The following EPM2A variants were observed in gnomAD, a reference collection of about 807,000 sequenced individuals.
The protein encoded by EPM2A is laforin.
In EPM2A, 21 loss-of-function variants were observed where a neutral mutation model predicts 26.5. The observed-to-expected ratio is 0.79, with a 90% CI of 0.56 to 1.14. The LOEUF is 1.14. Ranked by LOEUF, EPM2A falls within the 50% of genes most tolerant of loss-of-function variation. The probability of loss-of-function intolerance (pLI) is 0.00; values close to 1 mark genes in which losing one functional copy is unlikely to be tolerated. For missense variants in EPM2A, 458 were observed against 440.8 expected (o/e 1.04, Z -0.35); for synonymous variants, 217 against 177.6 (o/e 1.22, Z -1.76).
At chr6:145,530,238 G>A (rs1440262463) in intron 2 of EPM2A, among the ~76,000 whole-genome samples, 1 of 152,186 alleles carries the variant, frequency 6.6e-6, no homozygotes, top group Non-Finnish European at 1.5e-5. Context: ...GGAGGGACCA[G>A]TGTGGCTGGA....
chr6:145,469,184 G>C (rs1405075303), intron 4 of EPM2A, among the ~76,000 whole-genome samples: 1 of 151,972 alleles, frequency 6.6e-6, no homozygotes, highest in African/African-American at 2.4e-5. Flanking sequence ...AGTGAACACA[G>C]GAGGAACTAT....
intron 1 of EPM2A, among the ~76,000 whole-genome samples, chr6:145,720,136 C>T (rs554311457): frequency 6.6e-6 from 1 of 152,220 alleles, no homozygotes; most frequent in African/African-American, 2.4e-5. Context: ...AAAAAGACAA[C>T]ATTATCAAGC....
At chr6:145,455,703 C>T (rs1378148592) in intron 4 of EPM2A, among the ~76,000 whole-genome samples, 1 of 152,154 alleles carries the variant, frequency 6.6e-6, no homozygotes, top group East Asian at 1.9e-4. Flanking sequence ...TTTTACAGTA[C>T]TTGTTTCTCC....
At chr6:145,708,551 G>A (rs2092263) in intron 1 of EPM2A, among the ~76,000 whole-genome samples, 81,050 of 152,050 alleles carry the variant, frequency 0.53, 22,247 homozygotes, top group East Asian at 0.67. Flanking sequence ...TGGCAGCTCC[G>A]GTATGGTGTT....
At chr6:145,512,617 C>T (rs929303310) in intron 2 of EPM2A, among the ~76,000 whole-genome samples, 1 of 142,728 alleles carries the variant, frequency 7.0e-6, no homozygotes, top group African/African-American at 2.6e-5. Context: ...GAGACTGAGG[C>T]AGAGAATTGC....
rs1195597944 is a variant in EPM2A at position 145,627,635 on chromosome 6, T to C, written c.777A>G (p.Gly259=). Residue 259 remains glycine (G), a synonymous_variant, in exon 4 of 4, where the codon GGA becomes GGG. Coordinates refer to ENST00000367519, the MANE Select transcript of EPM2A (RefSeq NM_005670.4). ...VCLLHALLEK[G]HIVYVHCNAG... ...CGTTGCAGTGCACGTACACGATGTG[T>C]CCCTTCTCCAGCAGCGCATGCAGCA... 1.9e-6 allele frequency: 3 copies of C among 1,614,134 alleles called. No homozygotes were observed. The highest frequency in any genetic ancestry group is 1.7e-6 in the Non-Finnish European group (2 of 1,180,010).
At chr6:145,676,949 T>C (rs531720748) in intron 2 of EPM2A, among the ~76,000 whole-genome samples, 73 of 152,294 alleles carry the variant, frequency 4.8e-4, no homozygotes, top group African/African-American at 1.6e-3. Context: ...ATCATCCTGA[T>C]ACCAAAGCCT....
At chr6:145,383,557 C>G (rs1778218851) in exon 5 of EPM2A, 1 of 152,110 alleles carries the variant, frequency 6.6e-6, no homozygotes, top group African/African-American at 2.4e-5. Flanking sequence ...TGTGAGAACT[C>G]TATCACGAGA....
intron 4 of EPM2A, among the ~76,000 whole-genome samples, chr6:145,444,206 T>G (rs542883034): frequency 6.6e-6 from 1 of 152,212 alleles, no homozygotes; most frequent in African/African-American, 2.4e-5. Context: ...TTCCAGCTTT[T>G]GCCCATTCAG....
chr6:145,643,801 G>A (rs913009311), intron 2 of EPM2A, among the ~76,000 whole-genome samples: 2 of 151,652 alleles, frequency 1.3e-5, no homozygotes, highest in African/African-American at 2.4e-5. Context: ...GGATAAAAAG[G>A]GATTCCATTA....
intron 1 of EPM2A, among the ~76,000 whole-genome samples, chr6:145,703,122 T>C (rs953522793): frequency 2.0e-5 from 3 of 146,404 alleles, no homozygotes; most frequent in African/African-American, 7.7e-5. Context: ...AGACGGAGTC[T>C]CGCTCTGTTG....
intron 4 of EPM2A, among the ~76,000 whole-genome samples, chr6:145,443,119 C>A (rs570102949): frequency 1.0e-3 from 159 of 152,266 alleles, no homozygotes; most frequent in Non-Finnish European, 1.2e-3. Flanking sequence ...GATCCACCTG[C>A]CTCGGCCTCC....
intron 4 of EPM2A, among the ~76,000 whole-genome samples, chr6:145,474,736 T>C (rs1458008121): frequency 6.6e-6 from 1 of 152,114 alleles, no homozygotes; most frequent in African/African-American, 2.4e-5. Context: ...AAAGAGCTAA[T>C]ATCCAGAATC....
At chr6:145,435,102 T>C (rs929101738) in intron 4 of EPM2A, among the ~76,000 whole-genome samples, 1 of 152,198 alleles carries the variant, frequency 6.6e-6, no homozygotes, top group Non-Finnish European at 1.5e-5. Flanking sequence ...TTGTACAGCC[T>C]GCAGAAGCAT....
intron 1 of EPM2A, among the ~76,000 whole-genome samples, chr6:145,729,579 G>C (rs1246024432): frequency 1.3e-5 from 2 of 152,170 alleles, no homozygotes; most frequent in African/African-American, 4.8e-5. Context: ...CCTTTGTTTT[G>C]ACTAACGTCT....
intron 2 of EPM2A, among the ~76,000 whole-genome samples, chr6:145,603,504 G>A (rs1008236326): frequency 6.6e-6 from 1 of 152,148 alleles, no homozygotes; most frequent in African/African-American, 2.4e-5. Context: ...AGAATCCTGA[G>A]ATCAGGGACT....
intron 4 of EPM2A, among the ~76,000 whole-genome samples, chr6:145,493,748 A>G (rs568103232): frequency 1.3e-5 from 2 of 152,272 alleles, no homozygotes; most frequent in South Asian, 4.1e-4. Context: ...TGAGATAATC[A>G]CGTGCTTTTT....
chr6:145,735,639 T>C (rs373689934), upstream of EPM2A: 48 of 1,082,482 alleles, frequency 4.4e-5, no homozygotes, highest in East Asian at 1.7e-3. Flanking sequence ...TTCTGCGCCT[T>C]CTTTGGGATG....
At chr6:145,562,739 T>A (rs1780826021) in intron 2 of EPM2A, among the ~76,000 whole-genome samples, 1 of 152,082 alleles carries the variant, frequency 6.6e-6, no homozygotes, top group African/African-American at 2.4e-5. Flanking sequence ...CTTCGAAGTC[T>A]TTCTTAGAGT....
Sources: gnomAD v4.1 joint callset for allele counts (sites outside exome capture counted in the v4.1 genomes callset) on GRCh38, gnomAD v4.1.1 for gene constraint, MANE v1.5 for transcripts, NCBI Gene and HGNC (gene_info 2026-07-23, HGNC 2026-07-21) for gene names.